TEX101: variants seen among roughly 807,000 people sequenced by gnomAD.
The protein encoded by TEX101 is testis expressed 101, also known as testis-expressed protein 101.
TEX101 carries 10 observed loss-of-function variants against 18.1 expected under a neutral mutation model. The ratio of observed to expected loss-of-function variants is 0.55; its 90% CI spans 0.34 to 0.94. TEX101 has a LOEUF of 0.94. Ranked by LOEUF, TEX101 falls within the 40% of genes least tolerant of loss-of-function variation. The pLI is 0.02. For missense variants in TEX101, 259 were observed against 298.9 expected, an observed-to-expected ratio of 0.87 and a Z score of 0.98; for synonymous variants, 94 against 114.8, an observed-to-expected ratio of 0.82 and a Z score of 1.16.
intron 3 of TEX101, chr19:43,406,581 G>GA: frequency 1.6e-6 from 1 of 632,852 alleles, no homozygotes; most frequent in South Asian, 1.9e-5. Flanking sequence ...CACTAACCTG[G>GA]TGGGGGAGTC....
At position 43,414,916 on chromosome 19, in the gene TEX101, G is replaced by C. The variant is rs1052449434; in HGVS notation, c.-162G>C. 8 of 985,448 alleles carry C rather than the reference G, an allele frequency of 8.1e-6. No homozygotes were observed. In the South Asian group the frequency reaches 2.3e-4, roughly 29 times the overall value. The allele number at this position is 985,448 out of a possible 1,614,324, so 61.0% of individuals were successfully genotyped here. A position where few individuals can be genotyped will look rare whatever the true frequency, so the allele number is the denominator to read the frequency against. ...AGAGAATGCCAAGCCCGGGGAGAAG[G>C]CGTTCCGGGCCTCAACTTTGGCGTC... On this transcript the variant is annotated 5_prime_UTR_variant, in exon 1 of 6. Transcript: ENST00000598265.
the TEX101 span, among the ~76,000 whole-genome samples, chr19:43,389,114 G>T: frequency 1.3e-5 from 2 of 152,150 alleles, no homozygotes; most frequent in Non-Finnish European, 2.9e-5. Context: ...ACCTTGGGAC[G>T]GGCATCTGCA....
upstream of TEX101, among the ~76,000 whole-genome samples, chr19:43,410,646 C>G (rs1345759609): frequency 2.0e-5 from 3 of 151,880 alleles, no homozygotes; most frequent in African/African-American, 4.8e-5. Flanking sequence ...GCTGAGTACA[C>G]AGAGATGGAT....
chr19:43,414,555 T>C (rs1199466758), upstream of TEX101, among the ~76,000 whole-genome samples: 1 of 151,964 alleles, frequency 6.6e-6, no homozygotes. Context: ...GTTCCGTGAG[T>C]GAGGGCCAAG....
chr19:43,391,897 T>C, the TEX101 span, among the ~76,000 whole-genome samples: 788 of 152,282 alleles, frequency 5.2e-3, 3 homozygotes, highest in Non-Finnish European at 8.7e-3. Flanking sequence ...TCAGGAAATA[T>C]GGAAACCTTC....
chr19:43,399,001 C>T (rs571311094), upstream of TEX101, among the ~76,000 whole-genome samples: 1 of 152,248 alleles, frequency 6.6e-6, no homozygotes, highest in Non-Finnish European at 1.5e-5. Context: ...CTAATAAAAG[C>T]CAATTCGATA....
At chr19:43,405,354 A>C (rs1430150442) in intron 2 of TEX101, among the ~76,000 whole-genome samples, 1 of 151,948 alleles carries the variant, frequency 6.6e-6, no homozygotes, top group Non-Finnish European at 1.5e-5. Flanking sequence ...GGATCACCTG[A>C]GGTCAGGAGT....
intron 2 of TEX101, among the ~76,000 whole-genome samples, chr19:43,404,596 T>C (rs544532229): frequency 5.2e-4 from 79 of 152,284 alleles, no homozygotes; most frequent in African/African-American, 1.9e-3. Flanking sequence ...CACCAATTGT[T>C]AACATTTTGC....
At chr19:43,416,691 T>C in intron 4 of TEX101, 136 bp downstream of exon 4, 1 of 848,354 alleles carries the variant, frequency 1.2e-6, no homozygotes, top group Non-Finnish European at 1.9e-6. Flanking sequence ...AGTAATTTTA[T>C]GTTTCTGAAT....
At chr19:43,392,672 A>G in the TEX101 span, among the ~76,000 whole-genome samples, 3 of 152,184 alleles carry the variant, frequency 2.0e-5, no homozygotes, top group South Asian at 2.1e-4. Flanking sequence ...ACAGAGGGAA[A>G]GAGACCCAGA....
chr19:43,402,230 C>G (rs1761090452), intron 1 of TEX101, among the ~76,000 whole-genome samples: 1 of 152,194 alleles, frequency 6.6e-6, no homozygotes, highest in Non-Finnish European at 1.5e-5. Flanking sequence ...AAAACATGTT[C>G]ATTTGAAGTT....
At chr19:43,402,093 G>C (rs1184688571) in intron 1 of TEX101, among the ~76,000 whole-genome samples, 1 of 152,252 alleles carries the variant, frequency 6.6e-6, no homozygotes, top group African/African-American at 2.4e-5. Context: ...ATCACACGCA[G>C]TGTGAGGCAA....
At chr19:43,416,578 A>C in intron 4 of TEX101, 23 bp downstream of exon 4, 3 of 1,599,706 alleles carry the variant, frequency 1.9e-6, no homozygotes, top group Admixed American at 3.4e-5. Flanking sequence ...TGGGGGAGAT[A>C]GGTACTAAGA....
At chr19:43,407,862 C>T (rs186991299) in intron 3 of TEX101, among the ~76,000 whole-genome samples, 2 of 152,322 alleles carry the variant, frequency 1.3e-5, no homozygotes, top group African/African-American at 4.8e-5. Flanking sequence ...GGAAGGGTGG[C>T]CGGCCCCTCG....
chr19:43,414,515 A>G (rs1016053509), upstream of TEX101, among the ~76,000 whole-genome samples: 1 of 152,132 alleles, frequency 6.6e-6, no homozygotes, highest in African/African-American at 2.4e-5. Flanking sequence ...CAGGCTGGGA[A>G]CATGAGAGGC....
chr19:43,403,907 C>T (rs189950726), intron 2 of TEX101, among the ~76,000 whole-genome samples: 378 of 151,918 alleles, frequency 2.5e-3, no homozygotes, highest in African/African-American at 8.3e-3. Flanking sequence ...GGCATGGTGG[C>T]GGGCACCTGT....
chr19:43,391,401 T>A, the TEX101 span, among the ~76,000 whole-genome samples: 1 of 137,890 alleles, frequency 7.3e-6, no homozygotes, highest in South Asian at 2.4e-4. Flanking sequence ...TTCTTTTCTG[T>A]TTTTCTTTTT....
At chr19:43,395,886 A>C in the TEX101 span, among the ~76,000 whole-genome samples, 2 of 152,198 alleles carry the variant, frequency 1.3e-5, no homozygotes, top group Admixed American at 6.5e-5. Context: ...AAACTGCTCC[A>C]CCTTTACGCC....
At chr19:43,398,848 A>C (rs973979807), upstream of TEX101, among the ~76,000 whole-genome samples, 6 of 152,200 alleles carry the variant, frequency 3.9e-5, no homozygotes, top group African/African-American at 1.4e-4. Flanking sequence ...AAAGGGAAGT[A>C]ACTTTGAGAT....
Sources: gnomAD v4.1 joint callset for allele counts (sites outside exome capture counted in the v4.1 genomes callset) on GRCh38, gnomAD v4.1.1 for gene constraint, MANE v1.5 for transcripts, NCBI Gene and HGNC (gene_info 2026-07-23, HGNC 2026-07-21) for gene names.